PIP4K2A: variants seen among roughly 807,000 people sequenced by gnomAD.
The protein encoded by PIP4K2A is phosphatidylinositol-5-phosphate 4-kinase type 2 alpha.
Under a neutral mutation model 42.9 loss-of-function variants are expected in PIP4K2A, and 14 were observed. The ratio of observed to expected loss-of-function variants is 0.33; its 90% CI spans 0.22 to 0.51. The LOEUF (loss-of-function observed/expected upper bound fraction) is 0.51, where lower values mean the gene tolerates loss of function less well. Ranked by LOEUF, PIP4K2A falls within the 20% of genes least tolerant of loss-of-function variation. PIP4K2A has a pLI of 0.97. For missense variants in PIP4K2A, 434 were observed against 519.8 expected, an observed-to-expected ratio of 0.83 and a Z score of 1.61; for synonymous variants, 192 against 192.2, an observed-to-expected ratio of 1.00 and a Z score of 0.01.
intron 1 of PIP4K2A, among the ~76,000 whole-genome samples, chr10:22,613,395 G>T (rs567635127): frequency 8.5e-5 from 13 of 152,258 alleles, no homozygotes; most frequent in Non-Finnish European, 1.2e-4. Context: ...AAAGTGGGAG[G>T]GGATGGGATT....
At chr10:22,602,202 G>A (rs140051428) in intron 3 of PIP4K2A, among the ~76,000 whole-genome samples, 227 of 152,060 alleles carry the variant, frequency 1.5e-3, no homozygotes, top group African/African-American at 5.0e-3. Flanking sequence ...AGACCAGCCT[G>A]GGCAACATGG....
intron 3 of PIP4K2A, among the ~76,000 whole-genome samples, chr10:22,596,954 G>A (rs1837648977): frequency 6.6e-6 from 1 of 152,224 alleles, no homozygotes; most frequent in African/African-American, 2.4e-5. Context: ...TTTCTATAGT[G>A]ACATACACCT....
chr10:22,644,531 T>TC (rs1838842716), intron 1 of PIP4K2A, among the ~76,000 whole-genome samples: 1 of 152,162 alleles, frequency 6.6e-6, no homozygotes, highest in South Asian at 2.1e-4. Flanking sequence ...CAGGCTTCGG[T>TC]CCCCACCTCA....
At chr10:22,664,156 T>TAC (rs1554807271) in intron 1 of PIP4K2A, among the ~76,000 whole-genome samples, 2 of 59,540 alleles carry the variant, frequency 3.4e-5, no homozygotes, top group Non-Finnish European at 5.4e-5. Flanking sequence ...TATATACACA[T>TAC]ATATATATAT....
intron 1 of PIP4K2A, among the ~76,000 whole-genome samples, chr10:22,702,873 A>G (rs1344477838): frequency 1.3e-5 from 2 of 152,196 alleles, no homozygotes; most frequent in East Asian, 3.8e-4. Context: ...TTCTAGATGC[A>G]GGGATACACC....
chr10:22,666,654 A>G (rs906554018), intron 1 of PIP4K2A, among the ~76,000 whole-genome samples: 1 of 151,998 alleles, frequency 6.6e-6, no homozygotes, highest in East Asian at 1.9e-4. Context: ...ACAAACCCCA[A>G]CTGCGGTTCT....
intron 9 of PIP4K2A, chr10:22,539,435 A>ATTTCT (rs1345227219): frequency 8.5e-5 from 13 of 153,708 alleles, no homozygotes; most frequent in African/African-American, 3.1e-4. Flanking sequence ...TGCACTCAAG[A>ATTTCT]GATTTCTGTA....
intron 1 of PIP4K2A, among the ~76,000 whole-genome samples, chr10:22,706,392 C>G (rs776581365): frequency 1.3e-5 from 2 of 152,206 alleles, no homozygotes; most frequent in Non-Finnish European, 2.9e-5. Context: ...GTTGCCATAA[C>G]AAGCCAAGCA....
chr10:22,610,206 G>A (rs1047867283), intron 1 of PIP4K2A, among the ~76,000 whole-genome samples: 1 of 152,196 alleles, frequency 6.6e-6, no homozygotes. Context: ...TAAAAATAAA[G>A]ATTGGGGTGG....
At chr10:22,691,875 T>C (rs1428093831) in intron 1 of PIP4K2A, 1 of 152,192 alleles carries the variant, frequency 6.6e-6, no homozygotes, top group African/African-American at 2.4e-5. Flanking sequence ...GATTCTAAAT[T>C]CCTTGTCATT....
chr10:22,681,039 C>G (rs933122696), intron 1 of PIP4K2A, among the ~76,000 whole-genome samples: 12 of 152,098 alleles, frequency 7.9e-5, no homozygotes, highest in Non-Finnish European at 1.8e-4. Flanking sequence ...GGAAGTAGCC[C>G]TTATCTTCTA....
At position 22,537,140 on chromosome 10, in the gene PIP4K2A, C is replaced by G. The variant is rs77536949; in HGVS notation, c.*61G>C. ...TTCACTGAGTTTGGTTTTCATTTTT[C>G]CTACACCGAAGCCACCTCTGTCCAT... On this transcript the variant is annotated 3_prime_UTR_variant, in exon 10 of 10. Coordinates refer to ENST00000376573, the MANE Select transcript of PIP4K2A (RefSeq NM_005028.5). 5,113 of 1,315,476 alleles carry G rather than the reference C, an allele frequency of 3.9e-3. 112 individuals carry two copies. The African/African-American group carries it at 0.054, about 14-fold the overall frequency. The allele number at this position is 1,315,476 out of a possible 1,614,324, so 81.5% of individuals were successfully genotyped here. A position where few individuals can be genotyped will look rare whatever the true frequency, so the allele number is the denominator to read the frequency against.
At position 22,591,690 on chromosome 10, in the gene PIP4K2A, A is replaced by T; in HGVS notation, c.431T>A (p.Ile144Asn). Residue 144 changes from isoleucine (I) to asparagine (N), a missense_variant, in exon 4 of 10, where the codon ATC becomes AAC. Around this residue, in one of 2 missense-constraint regions of PIP4K2A, gnomAD observed 395 missense variants for 444.5 expected, o/e 0.89. Coordinates refer to ENST00000376573, the MANE Select transcript of PIP4K2A (RefSeq NM_005028.5). The part of the protein sequence containing the change: ...FHTSYDKRYI[I>N]KTITSEDVAE... The stretch of plus-strand genomic sequence containing the variant: ...CACGTCTTCACTGGTAATAGTCTTG[A>T]TGATGTATCTTTTGTCGTAGGAAGT... 1 of 1,613,668 alleles carries T rather than the reference A, an allele frequency of 6.2e-7. No individual in the cohort carries two copies.
intron 9 of PIP4K2A, among the ~76,000 whole-genome samples, chr10:22,537,558 AATCAAACAGGCCACGTTTGGGATGTTACT>A (rs1464007240): frequency 1.3e-5 from 2 of 152,148 alleles, no homozygotes; most frequent in Non-Finnish European, 2.9e-5. Context: ...CTCACAAAAA[AATCAAACAGGCCACGTTTGGGATGTTACT>A]ATCAAAGAGT....
chr10:22,693,108 G>A (rs1259017713), intron 1 of PIP4K2A, among the ~76,000 whole-genome samples: 1 of 152,140 alleles, frequency 6.6e-6, no homozygotes, highest in Non-Finnish European at 1.5e-5. Flanking sequence ...GAATCAGGGG[G>A]TGAAAATAAA....
chr10:22,551,996 A>G (rs1284394601), intron 6 of PIP4K2A, among the ~76,000 whole-genome samples: 3 of 152,234 alleles, frequency 2.0e-5, no homozygotes, highest in East Asian at 3.8e-4. Flanking sequence ...GCATTTCTAA[A>G]TTAGTCGCTT....
At chr10:22,582,456 T>C (rs116243700) in intron 4 of PIP4K2A, among the ~76,000 whole-genome samples, 2 of 152,342 alleles carry the variant, frequency 1.3e-5, no homozygotes, top group African/African-American at 4.8e-5. Flanking sequence ...AATATTTATA[T>C]CTCCGCACGA....
At chr10:22,586,730 C>T (rs536087158) in intron 4 of PIP4K2A, among the ~76,000 whole-genome samples, 1 of 152,150 alleles carries the variant, frequency 6.6e-6, no homozygotes, top group Non-Finnish European at 1.5e-5. Flanking sequence ...GAGGTTTCAC[C>T]ATGTTGGTCA....
At chr10:22,582,508 T>C (rs1436488400) in intron 4 of PIP4K2A, among the ~76,000 whole-genome samples, 1 of 152,232 alleles carries the variant, frequency 6.6e-6, no homozygotes, top group African/African-American at 2.4e-5. Flanking sequence ...TTGCTGTTAT[T>C]ATCATGTTTC....
Sources: gnomAD v4.1 joint callset for allele counts (sites outside exome capture counted in the v4.1 genomes callset) on GRCh38, gnomAD v4.1.1 for gene constraint, gnomAD v4.1.1 regional missense constraint, MANE v1.5 for transcripts, NCBI Gene and HGNC (gene_info 2026-07-23, HGNC 2026-07-21) for gene names.